MYNN: variants seen among roughly 807,000 people sequenced by gnomAD.
MYNN encodes myoneurin.
A neutral mutation model predicts 57.2 loss-of-function variants in MYNN; 22 were observed. The observed-to-expected ratio is 0.38, with a 90% CI of 0.27 to 0.55. MYNN has a LOEUF of 0.55. MYNN is among the 20% of genes least tolerant of loss of function. The pLI, the probability that MYNN is intolerant of heterozygous loss-of-function variation, is 0.71. For synonymous variants in MYNN, 241 were observed against 257.1 expected (o/e 0.94, Z 0.60); for missense variants, 566 against 723.1 (o/e 0.78, Z 2.49).
intron 7 of MYNN, among the ~76,000 whole-genome samples, chr3:169,785,522 G>A (rs1387221469): frequency 1.3e-5 from 2 of 151,904 alleles, no homozygotes; most frequent in Non-Finnish European, 2.9e-5. Context: ...ACACAAAAGT[G>A]CTAAAGAAGA....
intron 6 of MYNN, chr3:169,783,838 C>A: frequency 2.1e-6 from 1 of 465,136 alleles, no homozygotes. Flanking sequence ...CACAGATATA[C>A]CAAGAAATGA....
At position 169,789,333 on chromosome 3, in the gene MYNN, T is replaced by C. The variant is rs1433115675; in HGVS notation, c.*2655T>C. ...GAAATTGTGTGAGTAGTTGAAATAA[T>C]GTACATGTACTAGTTTTTTTAAGTA... On this transcript the variant is annotated 3_prime_UTR_variant, in exon 8 of 8. Transcript: ENST00000349841. 1 of 152,218 alleles carries C rather than the reference T, an allele frequency of 6.6e-6. No individual in the cohort carries two copies. Among genetic ancestry groups the C allele is most frequent in the East Asian group, 1.9e-4 (1 of 5,204 alleles). The allele number at this position is 152,218 out of a possible 1,614,324, so 9.4% of individuals were successfully genotyped here.
At chr3:169,784,324 C>G (rs1385281203) in intron 6 of MYNN, among the ~76,000 whole-genome samples, 1 of 151,980 alleles carries the variant, frequency 6.6e-6, no homozygotes, top group Non-Finnish European at 1.5e-5. Flanking sequence ...AACTGACACT[C>G]ACTAAATGTT....
intron 2 of MYNN, among the ~76,000 whole-genome samples, chr3:169,776,494 A>G (rs1778344614): frequency 6.6e-6 from 1 of 152,110 alleles, no homozygotes; most frequent in South Asian, 2.1e-4. Context: ...TGTCCTGAGG[A>G]TAATCTTATA....
Position 169,779,587 on chromosome 3 carries a change from T to C in MYNN, c.1060+26T>C, listed in dbSNP as rs772765473. On this transcript the variant is annotated intron_variant, in intron 3 of 7. Coordinates refer to ENST00000349841, the MANE Select transcript of MYNN (RefSeq NM_018657.5). Reference sequence around the variant, plus strand: ...GTGAGACGGGTGTGTGGGGAGATATTATTTTTATACTGTGACTAATATAGT... The same window carrying C: ...GTGAGACGGGTGTGTGGGGAGATATCATTTTTATACTGTGACTAATATAGT... 22 of 1,597,210 alleles carry C rather than the reference T, an allele frequency of 1.4e-5. No individual in the cohort carries two copies. In the South Asian group the frequency reaches 2.5e-4, roughly 18 times the overall value.
chr3:169,786,030 C>T (rs1778667175), intron 7 of MYNN, among the ~76,000 whole-genome samples: 3 of 152,114 alleles, frequency 2.0e-5, no homozygotes, highest in South Asian at 2.1e-4. Context: ...AGAAGTATAA[C>T]GACATTTACT....
At position 169,786,541 on chromosome 3, in the gene MYNN, C is replaced by T; in HGVS notation, c.1696C>T (p.Leu566Phe). The T allele has an allele frequency of 1.2e-6, 2 of 1,613,720 alleles. No homozygotes were observed. Among genetic ancestry groups the T allele is most frequent in the Non-Finnish European group, 8.5e-7 (1 of 1,179,672 alleles). ...KPSDMTLPLA[L>F]PLGTEDHHML... ...TTCTGATATGACTTTACCATTAGCT[C>T]TTCCACTTGGGACTGAGGACCATCA... The change falls in exon 8 of 8, where the codon CTT becomes TTT. Residue 566 changes from leucine to phenylalanine, a missense_variant. Physicochemically the swap from Leu to Phe is conservative, Grantham distance 22 (BLOSUM62 0). Coordinates refer to ENST00000349841, the MANE Select transcript of MYNN (RefSeq NM_018657.5).
intron 7 of MYNN, 139 bp downstream of exon 7, chr3:169,784,847 A>C (rs1778625646): frequency 4.7e-6 from 2 of 426,070 alleles, no homozygotes; most frequent in Non-Finnish European, 8.4e-6. Context: ...AGGTATATAC[A>C]TGTGAGGAAA....
At chr3:169,773,817 C>T (rs908211680) in intron 1 of MYNN, among the ~76,000 whole-genome samples, 1 of 152,194 alleles carries the variant, frequency 6.6e-6, no homozygotes, top group African/African-American at 2.4e-5. Context: ...GCAGCCACCT[C>T]TCGTTTTGGA....
chr3:169,785,733 A>C (rs997153535), intron 7 of MYNN, among the ~76,000 whole-genome samples: 1 of 152,088 alleles, frequency 6.6e-6, no homozygotes, highest in Non-Finnish European at 1.5e-5. Context: ...CAATTTTACG[A>C]AAGCAGTTTT....
chr3:169,778,708 C>T (rs1260912609), intron 2 of MYNN, 60 bp from the exon 3 acceptor site: 1 of 1,359,406 alleles, frequency 7.4e-7, no homozygotes, highest in African/African-American at 1.5e-5. Flanking sequence ...ATATATGCAG[C>T]TCTGTTTCGA....
In MYNN at chr3:169,782,180, A is replaced by G. The variant is rs1778536589; in HGVS notation, c.1221-285A>G. Among the ~76,000 whole-genome samples, 1 of 152,198 alleles carries G rather than the reference A, an allele frequency of 6.6e-6. No homozygotes were observed. The highest frequency in any genetic ancestry group is 1.5e-5 in the Non-Finnish European group (1 of 68,036). On this transcript the variant is annotated intron_variant, in intron 4 of 7. Transcript: ENST00000349841. This position sits in a 1 kb window ranked among gnomAD's most constrained non-coding sequence, Gnocchi z 4.8. ...TTTGAGGAGAGAGTTCACAAGTCAAAGAGTGACTAGACTCATGAAAATAAT... is the reference window on the plus strand; with the variant it reads ...TTTGAGGAGAGAGTTCACAAGTCAAGGAGTGACTAGACTCATGAAAATAAT...
intron 3 of MYNN, 113 bp downstream of exon 3, chr3:169,779,674 A>G: frequency 3.6e-6 from 4 of 1,101,778 alleles, no homozygotes; most frequent in South Asian, 1.7e-5. Context: ...ATATTTTTCT[A>G]TTCATCAAAG....
At chr3:169,774,125 C>A (rs1778257813) in intron 1 of MYNN, 140 bp from the exon 2 acceptor site, 5 of 624,308 alleles carry the variant, frequency 8.0e-6, no homozygotes, top group African/African-American at 1.8e-5. Context: ...GGCACTCATC[C>A]CTTCATTCTT....
chr3:169,784,477 T>C lies in MYNN; in HGVS notation c.1484-145T>C, dbSNP rs1272065690. ...GTATAGAATCTTTCATTTCACTATA[T>C]TATAACCAGGTGATTAAAGTGACAA... On this transcript the variant is annotated intron_variant, in intron 6 of 7. Transcript: ENST00000349841. 10 of 578,200 alleles carry C rather than the reference T, an allele frequency of 1.7e-5. No homozygotes were observed. The Admixed American group carries it at 3.8e-4, about 22-fold the overall frequency. The allele number at this position is 578,200 out of a possible 1,614,324, so 35.8% of individuals were successfully genotyped here. A position where few individuals can be genotyped will look rare whatever the true frequency, so the allele number is the denominator to read the frequency against.
Position 169,787,649 on chromosome 3 carries a change from A to G in MYNN, c.*971A>G, listed in dbSNP as rs1348967083. On this transcript the variant is annotated 3_prime_UTR_variant, in exon 8 of 8. Coordinates refer to ENST00000349841, the MANE Select transcript of MYNN (RefSeq NM_018657.5). The stretch of plus-strand genomic sequence containing the variant: ...AAGAGTTAAGAAATTAACCTCAATT[A>G]TAAGTAAACATTTTGAGTTACCAGA... 1 of 152,140 alleles carries G rather than the reference A, an allele frequency of 6.6e-6. No homozygotes were observed. The highest frequency in any genetic ancestry group is 1.5e-5 in the Non-Finnish European group (1 of 67,966). The allele number at this position is 152,140 out of a possible 1,614,324, so 9.4% of individuals were successfully genotyped here. A position where few individuals can be genotyped will look rare whatever the true frequency, so the allele number is the denominator to read the frequency against.
chr3:169,774,643 A>C, intron 2 of MYNN, 82 bp downstream of exon 2: 1 of 1,316,114 alleles, frequency 7.6e-7, no homozygotes. Flanking sequence ...TTTTCCATTC[A>C]TTCTCTGAAC....
At chr3:169,773,953 A>C (rs967072113) in intron 1 of MYNN, 1 of 242,922 alleles carries the variant, frequency 4.1e-6, no homozygotes, top group Non-Finnish European at 8.0e-6. Flanking sequence ...TTTTTGTAAC[A>C]TAAGTATGTC....
At position 169,776,487 on chromosome 3, in the gene MYNN, C is replaced by T. The variant is rs1244535748; in HGVS notation, c.266+1926C>T. Among the ~76,000 whole-genome samples, 4 of 152,022 alleles carry T rather than the reference C, an allele frequency of 2.6e-5. No individual in the cohort carries two copies. The East Asian group carries it at 7.7e-4, about 29-fold the overall frequency. ...ATTATAATAGATTTCATAGGCATGTCCTGAGGATAATCTTATAAAGCATTT... is the reference window on the plus strand; with the variant it reads ...ATTATAATAGATTTCATAGGCATGTTCTGAGGATAATCTTATAAAGCATTT... On this transcript the variant is annotated intron_variant, in intron 2 of 7. Coordinates refer to ENST00000349841, the MANE Select transcript of MYNN (RefSeq NM_018657.5).
Sources: allele counts gnomAD v4.1 joint callset (sites outside exome capture counted in the v4.1 genomes callset), GRCh38; gene constraint gnomAD v4.1.1; non-coding constraint Gnocchi (gnomAD v3.1); transcripts MANE v1.5; gene names NCBI Gene and HGNC (gene_info 2026-07-23, HGNC 2026-07-21).